Variants in MECOM observed in about 807,000 individuals in gnomAD.
MECOM encodes histone-lysine N-methyltransferase MECOM.
Under a neutral mutation model 116.3 loss-of-function variants are expected in MECOM, and 13 were observed. The ratio of observed to expected loss-of-function variants is 0.11; its 90% CI spans 0.07 to 0.18. MECOM has a LOEUF of 0.18. MECOM is among the 10% of genes least tolerant of loss of function. The pLI is 1.00. For synonymous variants in MECOM, 528 were observed against 535.2 expected, an observed-to-expected ratio of 0.99 and a Z score of 0.19; for missense variants, 1,299 against 1,509.0, an observed-to-expected ratio of 0.86 and a Z score of 2.31.
chr3:169,108,117 T>C (rs373304067), intron 9 of MECOM, among the ~76,000 whole-genome samples, 165 bp from the exon 10 acceptor site: 30 of 152,316 alleles, frequency 2.0e-4, no homozygotes, highest in African/African-American at 6.3e-4. Flanking sequence ...AATATTGTTA[T>C]AACTCTGTTG....
At chr3:169,499,053 T>C (rs1299791956) in intron 1 of MECOM, among the ~76,000 whole-genome samples, 2 of 151,914 alleles carry the variant, frequency 1.3e-5, no homozygotes, top group Non-Finnish European at 2.9e-5. Flanking sequence ...GATAAAGATA[T>C]TTAAATAAAT....
At position 169,267,648 on chromosome 3, in the gene MECOM, C is replaced by G. The variant is rs183507798; in HGVS notation, c.375+113539G>C. Among the ~76,000 whole-genome samples the G allele has an allele frequency of 3.4e-3, 524 of 152,252 alleles. 7 individuals carry two copies. Among genetic ancestry groups the G allele is most frequent in the African/African-American group, 0.012 (507 of 41,544 alleles). ...GCTCAAGGTGATTGAAGTAATGCTA[C>G]ATTTGACTGGAAAAGGGCCTCCCTT... On this transcript the variant is annotated intron_variant, in intron 2 of 16. Coordinates refer to ENST00000651503, the MANE Select transcript of MECOM (RefSeq NM_004991.4).
chr3:169,637,365 C>A (rs1369402807), intron 1 of MECOM, among the ~76,000 whole-genome samples: 3 of 152,152 alleles, frequency 2.0e-5, no homozygotes, highest in Non-Finnish European at 2.9e-5. Context: ...TGTTTCAAGC[C>A]ATTAAGTTTA....
At chr3:169,093,608 T>G (rs1357470261) in intron 13 of MECOM, among the ~76,000 whole-genome samples, 1 of 152,200 alleles carries the variant, frequency 6.6e-6, no homozygotes, top group Non-Finnish European at 1.5e-5. Flanking sequence ...AGCTGTGAGT[T>G]GACTCAGAAC....
intron 1 of MECOM, among the ~76,000 whole-genome samples, chr3:169,507,503 G>C (rs1000618524): frequency 6.6e-6 from 1 of 151,944 alleles, no homozygotes; most frequent in African/African-American, 2.4e-5. Flanking sequence ...TCCAAATTAA[G>C]GTGTCTGCTT....
intron 1 of MECOM, among the ~76,000 whole-genome samples, chr3:169,594,176 A>AAAAAAAAAAAAAAAAAAAAAC (rs1553894631): frequency 3.6e-5 from 5 of 139,808 alleles, no homozygotes; most frequent in African/African-American, 5.7e-5. Flanking sequence ...AAAAAAAAAA[A>AAAAAAAAAAAAAAAAAAAAAC]CACCTTTTCA....
At chr3:169,216,189 G>A (rs1269197645) in intron 2 of MECOM, among the ~76,000 whole-genome samples, 1 of 152,084 alleles carries the variant, frequency 6.6e-6, no homozygotes, top group Non-Finnish European at 1.5e-5. Flanking sequence ...TGCTTTCATT[G>A]ATTTCCAAAT....
chr3:169,490,796 G>C (rs578158348), intron 1 of MECOM, among the ~76,000 whole-genome samples: 1 of 152,180 alleles, frequency 6.6e-6, no homozygotes, highest in African/African-American at 2.4e-5. Flanking sequence ...TTTTGCAAAA[G>C]AGAGTTTGTT....
intron 1 of MECOM, among the ~76,000 whole-genome samples, chr3:169,510,889 G>A (rs1342675272): frequency 1.3e-5 from 2 of 152,090 alleles, no homozygotes; most frequent in African/African-American, 2.4e-5. Flanking sequence ...ACATGGCAAA[G>A]GTGTTGGTAA....
chr3:169,271,519 G>C (rs912935340), intron 2 of MECOM, among the ~76,000 whole-genome samples: 1 of 152,168 alleles, frequency 6.6e-6, no homozygotes, highest in Admixed American at 6.5e-5. Context: ...TAAAGTCTGT[G>C]TTTTCCTCAT....
chr3:169,433,693 A>AAGAAAGAAAG (rs1560269065), intron 1 of MECOM, among the ~76,000 whole-genome samples: 383 of 136,612 alleles, frequency 2.8e-3, no homozygotes, highest in African/African-American at 4.9e-3. Flanking sequence ...AAGAAAGAGA[A>AAGAAAGAAAG]AGAAAGAAAA....
At chr3:169,565,105 G>T (rs908579241) in intron 1 of MECOM, among the ~76,000 whole-genome samples, 1 of 152,180 alleles carries the variant, frequency 6.6e-6, no homozygotes, top group Admixed American at 6.5e-5. Flanking sequence ...AGAAAGGAAA[G>T]CTCAGTGTGG....
rs552080103 is a variant in MECOM at position 169,570,600 on chromosome 3, G to A, written c.37+92736C>T. On this transcript the variant is annotated intron_variant, in intron 1 of 16. Transcript: ENST00000651503. ...ATGTGAAAATCCTCAGTAAAATACT[G>A]GCAAACTGAATCCAGCAGTACATTA... Among the ~76,000 whole-genome samples, 38 of 152,248 alleles carry A rather than the reference G, an allele frequency of 2.5e-4. No homozygotes were observed. The South Asian group carries it at 7.7e-3, about 31-fold the overall frequency.
At chr3:169,641,379 T>G (rs1211096637) in intron 1 of MECOM, among the ~76,000 whole-genome samples, 13 of 152,218 alleles carry the variant, frequency 8.5e-5, no homozygotes, top group Non-Finnish European at 1.3e-4. Flanking sequence ...TTCTGTGACT[T>G]TAACCCCACT....
At chr3:169,545,930 T>A (rs1760677214) in intron 1 of MECOM, among the ~76,000 whole-genome samples, 1 of 152,194 alleles carries the variant, frequency 6.6e-6, no homozygotes, top group Non-Finnish European at 1.5e-5. Flanking sequence ...TCAACAGGAA[T>A]GATTTGAGAT....
At chr3:169,407,299 C>T (rs1234699379) in intron 1 of MECOM, among the ~76,000 whole-genome samples, 1 of 152,178 alleles carries the variant, frequency 6.6e-6, no homozygotes, top group Non-Finnish European at 1.5e-5. Context: ...TCACTTTGCT[C>T]CTCTCTATAA....
At chr3:169,485,914 TGTATATATA>T (rs1491581642) in intron 1 of MECOM, among the ~76,000 whole-genome samples, 1 of 61,886 alleles carries the variant, frequency 1.6e-5, no homozygotes, top group Non-Finnish European at 3.2e-5. Context: ...TATATATGTA[TGTATATATA>T]GTATATATAG....
intron 2 of MECOM, among the ~76,000 whole-genome samples, chr3:169,244,914 T>A (rs944396716): frequency 6.6e-6 from 1 of 152,144 alleles, no homozygotes; most frequent in Admixed American, 6.6e-5. Flanking sequence ...TCAAAGCTTA[T>A]TGACACAAAC....
intron 1 of MECOM, among the ~76,000 whole-genome samples, chr3:169,591,209 C>T (rs1292394872): frequency 6.6e-6 from 1 of 152,162 alleles, no homozygotes; most frequent in African/African-American, 2.4e-5. Context: ...TGGAGGAGAA[C>T]TGGGAATCAA....
Sources: allele counts gnomAD v4.1 joint callset (sites outside exome capture counted in the v4.1 genomes callset), GRCh38; gene constraint gnomAD v4.1.1; transcripts MANE v1.5; gene names NCBI Gene and HGNC (gene_info 2026-07-23, HGNC 2026-07-21).